Variants in SLC25A26 observed in about 807,000 individuals in gnomAD.
SLC25A26 encodes solute carrier family 25 member 26, also known as mitochondrial S-adenosylmethionine carrier protein.
In SLC25A26, 36 loss-of-function variants were observed where a neutral mutation model predicts 37.8. That is an observed-to-expected ratio of 0.95 (90% CI 0.73 to 1.26). SLC25A26 has a LOEUF of 1.26. Among genes scored for constraint, SLC25A26 ranks in the 50% most tolerant of loss-of-function variants. The pLI, the probability that SLC25A26 is intolerant of heterozygous loss-of-function variation, is 0.00. For synonymous variants in SLC25A26, 129 were observed against 122.5 expected (o/e 1.05, Z -0.35); for missense variants, 390 against 331.1 (o/e 1.18, Z -1.38).
At chr3:66,369,295 G>C (rs1387914564) in intron 7 of SLC25A26, among the ~76,000 whole-genome samples, 183 bp from the exon 8 acceptor site, 1 of 152,224 alleles carries the variant, frequency 6.6e-6, no homozygotes, top group East Asian at 1.9e-4. Flanking sequence ...CTCTCATGCA[G>C]TTCTGTATCG....
chr3:66,321,369 C>A (rs1401889426), intron 5 of SLC25A26, among the ~76,000 whole-genome samples: 1 of 152,116 alleles, frequency 6.6e-6, no homozygotes, highest in African/African-American at 2.4e-5. Flanking sequence ...GCAGTGTTAT[C>A]CCTTCTGGAA....
chr3:66,285,734 A>G lies in SLC25A26; in HGVS notation c.453+22355A>G, dbSNP rs140104732. Among the ~76,000 whole-genome samples, 21 of 152,076 alleles carry G rather than the reference A, an allele frequency of 1.4e-4. No individual in the cohort carries two copies. The East Asian group carries it at 4.1e-3, about 30-fold the overall frequency. On this transcript the variant is annotated intron_variant, in intron 5 of 9. Transcript: ENST00000354883. The stretch of plus-strand genomic sequence containing the variant: ...CTTGGCCTCCCAAAGTGCTGGGATT[A>G]CAGGCATGAGCCACCACGCCTGGCC...
intron 6 of SLC25A26, among the ~76,000 whole-genome samples, chr3:66,350,296 C>A (rs1413816377): frequency 5.3e-5 from 8 of 152,154 alleles, no homozygotes; most frequent in Non-Finnish European, 1.0e-4. Context: ...AAGTCATCAT[C>A]TTTCTTGTAA....
At chr3:66,207,853 G>A (rs1006797860) in intron 1 of SLC25A26, among the ~76,000 whole-genome samples, 3 of 152,136 alleles carry the variant, frequency 2.0e-5, no homozygotes, top group African/African-American at 7.2e-5. Flanking sequence ...GGAAAAGAAA[G>A]GTGGTATAAT....
chr3:66,340,390 C>T (rs774448525), intron 5 of SLC25A26, among the ~76,000 whole-genome samples: 1 of 151,994 alleles, frequency 6.6e-6, no homozygotes, highest in Non-Finnish European at 1.5e-5. Context: ...CAGTACCTTT[C>T]GATGAGCAGA....
intron 5 of SLC25A26, among the ~76,000 whole-genome samples, chr3:66,278,590 A>G (rs1176601987): frequency 6.6e-6 from 1 of 152,188 alleles, no homozygotes; most frequent in Non-Finnish European, 1.5e-5. Flanking sequence ...TTAAGCTCAC[A>G]TTATGTTCTT....
chr3:66,211,217 A>T (rs1378925115), intron 1 of SLC25A26, among the ~76,000 whole-genome samples: 1 of 152,210 alleles, frequency 6.6e-6, no homozygotes, highest in Non-Finnish European at 1.5e-5. Flanking sequence ...GACCTGTAGC[A>T]TTAAGCGGAC....
chr3:66,287,437 A>T (rs1025246671), intron 5 of SLC25A26, among the ~76,000 whole-genome samples: 1 of 151,874 alleles, frequency 6.6e-6, no homozygotes, highest in Non-Finnish European at 1.5e-5. Flanking sequence ...GGTATCTTTC[A>T]CTTTTTTTCT....
Position 66,208,867 on chromosome 3 carries a change from T to TGC in SLC25A26, c.-353-11874_-353-11873insCG, listed in dbSNP as rs1436598721. Among the ~76,000 whole-genome samples the TGC allele has an allele frequency of 2.1e-3, 35 of 16,692 alleles. 1 individual carries two copies. The highest frequency in any genetic ancestry group is 2.8e-3 in the African/African-American group (35 of 12,514). The allele number at this position is 16,692 out of a possible 152,430, so 11.0% of individuals were successfully genotyped here. On this transcript the variant is annotated intron_variant, in intron 1 of 10. Coordinates refer to the SLC25A26 transcript ENST00000676754. ...ATATATATATACCTTTATATGGGTG[T>TGC]GTGTATATATATATATATACACCTT...
intron 1 of SLC25A26, among the ~76,000 whole-genome samples, chr3:66,196,734 ACT>A (rs1190793409): frequency 1.4e-4 from 21 of 151,926 alleles, no homozygotes; most frequent in African/African-American, 5.1e-4. Context: ...TCAATTAGAA[ACT>A]CTTTCTGTAA....
At chr3:66,163,095 C>T (rs1285537731) in intron 1 of SLC25A26, among the ~76,000 whole-genome samples, 1 of 152,110 alleles carries the variant, frequency 6.6e-6, no homozygotes, top group Non-Finnish European at 1.5e-5. Context: ...TTTGTGGTGT[C>T]CTCGACATCC....
intron 1 of SLC25A26, among the ~76,000 whole-genome samples, chr3:66,225,126 TCCACCAGGTGGTGA>T (rs531960231): frequency 1.5e-3 from 224 of 152,160 alleles, no homozygotes; most frequent in African/African-American, 5.1e-3. Context: ...TTCTCACAGC[TCCACCAGGTGGTGA>T]CCTGGTGGGG....
chr3:66,281,566 A>AT (rs1255809541), intron 5 of SLC25A26, among the ~76,000 whole-genome samples: 2 of 152,130 alleles, frequency 1.3e-5, no homozygotes, highest in Non-Finnish European at 2.9e-5. Flanking sequence ...GGACTCATGG[A>AT]TTTTAAAAAA....
chr3:66,227,736 T>A (rs782745851), intron 1 of SLC25A26, among the ~76,000 whole-genome samples: 5 of 152,202 alleles, frequency 3.3e-5, no homozygotes, highest in Admixed American at 6.5e-5. Context: ...TTTTTCGTGA[T>A]ACTTGGGTGT....
intron 5 of SLC25A26, among the ~76,000 whole-genome samples, chr3:66,306,194 C>G (rs574666143): frequency 1.3e-5 from 2 of 152,296 alleles, no homozygotes; most frequent in Admixed American, 1.3e-4. Flanking sequence ...GCTGGCCAGG[C>G]TGGTTTCAAA....
chr3:66,349,493 T>C (rs778187879), intron 6 of SLC25A26, among the ~76,000 whole-genome samples: 4 of 152,160 alleles, frequency 2.6e-5, no homozygotes, highest in Non-Finnish European at 4.4e-5. Context: ...TTTTTTTACT[T>C]AATGTAATAT....
chr3:66,234,582 A>G (rs2107000957), intron 1 of SLC25A26, among the ~76,000 whole-genome samples: 1 of 152,316 alleles, frequency 6.6e-6, no homozygotes, highest in East Asian at 1.9e-4. Flanking sequence ...TGTCTAGTGT[A>G]AATTAATTTT....
chr3:66,243,135 A>T, intron 2 of SLC25A26, 68 bp from the exon 3 acceptor site: 4 of 733,364 alleles, frequency 5.5e-6, no homozygotes, highest in Non-Finnish European at 9.5e-6. Context: ...CTTTTTGAGA[A>T]ACATGTTTCT....
At chr3:66,264,732 G>T (rs1455785509) in intron 5 of SLC25A26, among the ~76,000 whole-genome samples, 2 of 152,182 alleles carry the variant, frequency 1.3e-5, no homozygotes, top group Non-Finnish European at 2.9e-5. Flanking sequence ...TGCCAAAAAG[G>T]TTGGGGACCG....
Sources: gnomAD v4.1 joint callset for allele counts (sites outside exome capture counted in the v4.1 genomes callset) on GRCh38, gnomAD v4.1.1 for gene constraint, MANE v1.5 for transcripts, NCBI Gene and HGNC (gene_info 2026-07-23, HGNC 2026-07-21) for gene names.